Variants in RASA2 observed in about 807,000 individuals in gnomAD.
The protein encoded by RASA2 is RAS p21 protein activator 2.
Under a neutral mutation model 118.2 loss-of-function variants are expected in RASA2, and 155 were observed. The observed-to-expected ratio is 1.31, with a 90% CI of 1.15 to 1.50. RASA2 has a LOEUF of 1.50. Ranked by LOEUF, RASA2 falls within the 40% of genes most tolerant of loss-of-function variation. The pLI is 0.00. For synonymous variants in RASA2, 353 were observed against 349.1 expected (o/e 1.01, Z -0.12); for missense variants, 1,016 against 1,009.6 (o/e 1.01, Z -0.09).
At chr3:141,560,548 A>T (rs1325498017) in intron 9 of RASA2, among the ~76,000 whole-genome samples, 3 of 152,310 alleles carry the variant, frequency 2.0e-5, no homozygotes, top group East Asian at 1.9e-4. Context: ...TTCAATAATG[A>T]CTATAATATT....
chr3:141,498,281 T>C (rs1351309382), intron 1 of RASA2, among the ~76,000 whole-genome samples: 1 of 152,124 alleles, frequency 6.6e-6, no homozygotes, highest in Non-Finnish European at 1.5e-5. Flanking sequence ...TTTCAGAAAG[T>C]CTTTATGTTA....
chr3:141,503,263 GCACATAGGTACATACT>G (rs1263324625), intron 1 of RASA2, among the ~76,000 whole-genome samples: 1 of 151,992 alleles, frequency 6.6e-6, no homozygotes, highest in South Asian at 2.1e-4. Context: ...ATCCACATAG[GCACATAGGTACATACT>G]CACATATGTA....
intron 12 of RASA2, 73 bp from the exon 13 acceptor site, chr3:141,573,074 C>A: frequency 1.6e-6 from 2 of 1,264,598 alleles, no homozygotes; most frequent in Non-Finnish European, 1.1e-6. Context: ...CTTTTATTAT[C>A]AGAAAAATAA....
intron 2 of RASA2, among the ~76,000 whole-genome samples, chr3:141,515,963 A>G (rs933813681): frequency 3.4e-5 from 5 of 148,784 alleles, no homozygotes; most frequent in African/African-American, 1.2e-4. Flanking sequence ...AAAAAACCAA[A>G]CACCACATGT....
intron 6 of RASA2, among the ~76,000 whole-genome samples, chr3:141,555,477 A>G (rs1336900256): frequency 6.6e-6 from 1 of 152,110 alleles, no homozygotes; most frequent in Non-Finnish European, 1.5e-5. Flanking sequence ...ATGTTTTTCA[A>G]GTTCCTTGGG....
chr3:141,519,528 T>C (rs748716347), intron 3 of RASA2, among the ~76,000 whole-genome samples: 3 of 152,208 alleles, frequency 2.0e-5, no homozygotes, highest in Non-Finnish European at 4.4e-5. Context: ...AAATACTCTG[T>C]CTCACAAAAG....
chr3:141,507,288 G>A (rs1005666092), intron 1 of RASA2, among the ~76,000 whole-genome samples: 1 of 152,162 alleles, frequency 6.6e-6, no homozygotes, highest in Admixed American at 6.5e-5. Context: ...GGAAACAAAG[G>A]TTAGAAAAGA....
chr3:141,574,142 G>C, intron 14 of RASA2, 75 bp downstream of exon 14: 1 of 1,003,224 alleles, frequency 1.0e-6, no homozygotes, highest in Non-Finnish European at 1.3e-6. Flanking sequence ...TACATGTTTG[G>C]TTTGTGAGAT....
chr3:141,536,713 C>A (rs990414089), intron 4 of RASA2, among the ~76,000 whole-genome samples: 7 of 151,652 alleles, frequency 4.6e-5, no homozygotes, highest in African/African-American at 1.7e-4. Flanking sequence ...CAGTTGTAGA[C>A]CAAATCACAT....
At chr3:141,511,245 A>T (rs142919445) in intron 1 of RASA2, among the ~76,000 whole-genome samples, 2,315 of 152,266 alleles carry the variant, frequency 0.015, 26 homozygotes, top group Non-Finnish European at 0.025. Flanking sequence ...TAAATTTGAA[A>T]TGCCTACTGG....
At chr3:141,584,898 T>C (rs1244562149) in intron 17 of RASA2, among the ~76,000 whole-genome samples, 7 of 152,200 alleles carry the variant, frequency 4.6e-5, no homozygotes, top group Non-Finnish European at 1.0e-4. Context: ...ATATTTTTTT[T>C]AACTGATTGA....
intron 1 of RASA2, among the ~76,000 whole-genome samples, chr3:141,500,743 G>T (rs933393366): frequency 1.3e-5 from 2 of 152,168 alleles, no homozygotes; most frequent in East Asian, 3.8e-4. Context: ...TGTATATCCA[G>T]TTCTTGTAGT....
At position 141,516,446 on chromosome 3, in the gene RASA2, TA is replaced by T; in HGVS notation, c.355+17del. 7.3e-7 allele frequency: 1 copy of T among 1,372,688 alleles called. No individual in the cohort carries two copies. Among genetic ancestry groups the T allele is most frequent in the Non-Finnish European group, 9.5e-7 (1 of 1,051,814 alleles). 85.0% of individuals were successfully genotyped at this position (1,372,688 alleles called of 1,614,324 possible). On this transcript the variant is annotated intron_variant, in intron 3 of 23. Transcript: ENST00000286364. ...TCTCCGTATAGGTATGTACTATTCA[TA>T]ATTATCTTTAATCACAATGTTAATG...
intron 1 of RASA2, 119 bp from the exon 2 acceptor site, chr3:141,512,044 G>GTTT (rs145312322): frequency 1.4e-4 from 77 of 542,984 alleles, no homozygotes; most frequent in South Asian, 4.4e-4. Context: ...AATCACTAGT[G>GTTT]TTTTTTTTTT....
chr3:141,518,482 C>CAAAAAAAAAAAAAA (rs777543417), intron 3 of RASA2, among the ~76,000 whole-genome samples: 2 of 27,046 alleles, frequency 7.4e-5, no homozygotes, highest in African/African-American at 1.3e-4. Flanking sequence ...GACACCATCT[C>CAAAAAAAAAAAAAA]AAAAAAAAAA....
chr3:141,607,750 A>G lies in RASA2; in HGVS notation c.2006A>G (p.Asn669Ser), dbSNP rs2107800770. 1.3e-6 allele frequency: 2 copies of G among 1,591,234 alleles called. No individual in the cohort carries two copies. The highest frequency in any genetic ancestry group is 1.2e-5 in the South Asian group (1 of 86,640). Reference sequence around the variant, plus strand: ...GAAAAACTGGAAGAGAGCTCTTTCAACAAGAAAAATGTAAGTTATGTAAAT... The same window carrying G: ...GAAAAACTGGAAGAGAGCTCTTTCAGCAAGAAAAATGTAAGTTATGTAAAT... ...AVEKLEESSFNKKNMFQVIHT... is the reference protein window; with the variant it reads ...AVEKLEESSFSKKNMFQVIHT... Residue 669 changes from asparagine (N) to serine (S), a missense_variant, in exon 20 of 24, where the codon AAC becomes AGC. Asn to Ser is a conservative substitution (Grantham distance 46). This residue lies in a region of RASA2 where 896 missense variants were observed against 836.4 expected (regional missense o/e 1.07). Coordinates refer to ENST00000286364, the MANE Select transcript of RASA2 (RefSeq NM_006506.5).
chr3:141,572,935 A>G (rs1038523272), intron 12 of RASA2, among the ~76,000 whole-genome samples: 2 of 152,118 alleles, frequency 1.3e-5, no homozygotes, highest in African/African-American at 4.8e-5. Context: ...TTGTTATGGG[A>G]TTTCTATTTT....
intron 9 of RASA2, among the ~76,000 whole-genome samples, chr3:141,564,417 G>A (rs1362211007): frequency 6.6e-6 from 1 of 152,146 alleles, no homozygotes; most frequent in East Asian, 1.9e-4. Context: ...TACAAGTAAT[G>A]TTAATCTACT....
chr3:141,589,585 G>A (rs112729137), intron 19 of RASA2, among the ~76,000 whole-genome samples: 33 of 152,244 alleles, frequency 2.2e-4, no homozygotes, highest in African/African-American at 7.7e-4. Context: ...GCTCACACCC[G>A]TGATCCCAAC....
Sources: allele counts gnomAD v4.1 joint callset (sites outside exome capture counted in the v4.1 genomes callset), GRCh38; gene constraint gnomAD v4.1.1; regional missense constraint gnomAD v4.1.1; transcripts MANE v1.5; gene names NCBI Gene and HGNC (gene_info 2026-07-23, HGNC 2026-07-21).